Variants in ESCO2 observed in about 807,000 individuals in gnomAD.
ESCO2 encodes the protein establishment of sister chromatid cohesion N-acetyltransferase 2, also known as N-acetyltransferase ESCO2.
Under a neutral mutation model 61.7 loss-of-function variants are expected in ESCO2, and 51 were observed. The ratio of observed to expected loss-of-function variants is 0.83; its 90% CI spans 0.66 to 1.04. The LOEUF (loss-of-function observed/expected upper bound fraction) is 1.04. Among genes scored for constraint, ESCO2 ranks in the 50% least tolerant of loss-of-function variants. The probability of loss-of-function intolerance (pLI) is 0.00; values close to 1 mark genes in which losing one functional copy is unlikely to be tolerated. For missense variants in ESCO2, 692 were observed against 686.2 expected (o/e 1.01, Z -0.09); for synonymous variants, 230 against 238.2 (o/e 0.97, Z 0.32).
Position 27,803,539 on chromosome 8 carries a change from C to G in ESCO2, c.*101C>G. The stretch of plus-strand genomic sequence containing the variant: ...AATATCAAAATAAAAAATACCGAGA[C>G]TCACACTCATACACACACACACACA... On this transcript the variant is annotated 3_prime_UTR_variant, in exon 11 of 11. Coordinates refer to ENST00000305188, the MANE Select transcript of ESCO2 (RefSeq NM_001017420.3). 2 of 1,488,712 alleles carry G rather than the reference C, an allele frequency of 1.3e-6. No homozygotes were observed. The highest frequency in any genetic ancestry group is 2.6e-5 in the East Asian group (1 of 38,588). 92.2% of individuals were successfully genotyped at this position (1,488,712 alleles called of 1,614,324 possible).
chr8:27,808,888 G>A (rs1805616472), downstream of ESCO2, among the ~76,000 whole-genome samples: 1 of 152,174 alleles, frequency 6.6e-6, no homozygotes, highest in African/African-American at 2.4e-5. Context: ...GGCAGTGCAT[G>A]CTGGGATTAT....
At position 27,792,673 on chromosome 8, in the gene ESCO2, A is replaced by G. The variant is rs894887144; in HGVS notation, c.1359A>G (p.Glu453=). The change falls in exon 9 of 11, where the codon GAA becomes GAG. Residue 453 remains glutamate, a synonymous_variant. Coordinates refer to ENST00000305188, the MANE Select transcript of ESCO2 (RefSeq NM_001017420.3). ...TTGGTTTTTAAAATCATTAGGTAGA[A>G]GATGTCCAAGAACTTGTTGATAATG... ...HDPSFAIKKV[E]DVQELVDNEL... is the part of the protein sequence containing the mutation. The G allele has an allele frequency of 1.2e-6, 2 of 1,612,370 alleles. No individual in the cohort carries two copies. Among genetic ancestry groups the G allele is most frequent in the African/African-American group, 2.7e-5 (2 of 74,900 alleles).
At chr8:27,779,169 A>G (rs1411487190) in intron 3 of ESCO2, 2 of 152,206 alleles carry the variant, frequency 1.3e-5, no homozygotes, top group Non-Finnish European at 2.9e-5. Flanking sequence ...TGCCTTGGCC[A>G]CCCAAAGTGC....
intron 9 of ESCO2, among the ~76,000 whole-genome samples, chr8:27,793,100 CAT>C (rs936640359): frequency 1.1e-4 from 16 of 152,136 alleles, no homozygotes; most frequent in African/African-American, 3.6e-4. Context: ...AATTTTTAAA[CAT>C]GTGGCTTAGT....
At chr8:27,816,376 TATTTTA>T (rs1805814194), downstream of ESCO2, among the ~76,000 whole-genome samples, 1 of 110,662 alleles carries the variant, frequency 9.0e-6, no homozygotes, top group Non-Finnish European at 1.9e-5. Flanking sequence ...TTTATTTATT[TATTTTA>T]ATTTATTTTT....
chr8:27,780,309 C>T (rs775406849), intron 4 of ESCO2, 42 bp downstream of exon 4: 7 of 1,192,224 alleles, frequency 5.9e-6, no homozygotes, highest in Non-Finnish European at 3.8e-6. Context: ...TAAAATAATG[C>T]TTTATTACAT....
downstream of ESCO2, among the ~76,000 whole-genome samples, chr8:27,809,432 G>A (rs568216736): frequency 6.6e-6 from 1 of 152,062 alleles, no homozygotes; most frequent in African/African-American, 2.4e-5. Flanking sequence ...CCAAATGTAG[G>A]TATACCACCT....
At chr8:27,802,777 C>T (rs1805478514) in intron 10 of ESCO2, among the ~76,000 whole-genome samples, 1 of 138,392 alleles carries the variant, frequency 7.2e-6, no homozygotes, top group Non-Finnish European at 1.5e-5. Flanking sequence ...GTTGGAGTCT[C>T]ACTCTGTTAC....
chr8:27,789,075 T>G, intron 7 of ESCO2, 97 bp downstream of exon 7: 1 of 1,471,734 alleles, frequency 6.8e-7, no homozygotes, highest in South Asian at 1.2e-5. Context: ...AAAAGTTAAC[T>G]TTTAATGATG....
At position 27,776,757 on chromosome 8, in the gene ESCO2, C is replaced by T. The variant is rs776790223; in HGVS notation, c.449C>T (p.Pro150Leu). ...PQKSLTAKYQ[P>L]KYRHIKPVSR... is the part of the protein sequence containing the mutation. ...AAGAGTTTAACTGCTAAGTATCAAC[C>T]AAAGTATAGACACATCAAGCCTGTA... Residue 150 changes from proline to leucine, a missense_variant, in exon 3 of 11, where the codon CCA becomes CTA. Physicochemically the swap from Pro to Leu is moderately conservative, Grantham distance 98. Transcript: ENST00000305188. 6.2e-7 allele frequency: 1 copy of T among 1,613,840 alleles called. No homozygotes were observed. The highest frequency in any genetic ancestry group is 8.5e-7 in the Non-Finnish European group (1 of 1,180,014).
chr8:27,811,185 G>A, downstream of ESCO2: 1 of 1,556,422 alleles, frequency 6.4e-7, no homozygotes. Context: ...TCACGAAAAG[G>A]CAAGCAACCC....
At chr8:27,772,755 G>T (rs1283580741), upstream of ESCO2, 2 of 563,666 alleles carry the variant, frequency 3.5e-6, no homozygotes, top group Non-Finnish European at 6.4e-6. Context: ...GTGATTTGTG[G>T]GTTAAGGGAA....
rs139887923 is a variant in ESCO2 at position 27,803,513 on chromosome 8, T to TAATA, written c.*76_*79dup. 0.11 allele frequency: 177,140 copies of TAATA among 1,566,872 alleles called. 12,879 individuals carry two copies. Among genetic ancestry groups the TAATA allele is most frequent in the East Asian group, 0.33 (13,804 of 41,794 alleles). ...TCCTTATTATAAAATACAAACTATT[T>TAATA]AATATCAAAATAAAAAATACCGAGA... On this transcript the variant is annotated 3_prime_UTR_variant, in exon 11 of 11. Transcript: ENST00000305188.
At chr8:27,773,414 A>C (rs1585386713), upstream of ESCO2, among the ~76,000 whole-genome samples, 2 of 146,076 alleles carry the variant, frequency 1.4e-5, no homozygotes, top group African/African-American at 2.6e-5. Flanking sequence ...GTCTTTAAAA[A>C]CCTGCTTGTA....
intron 10 of ESCO2, among the ~76,000 whole-genome samples, chr8:27,801,969 A>T (rs1198401322): frequency 1.5e-3 from 125 of 83,770 alleles, no homozygotes; most frequent in Middle Eastern, 0.014. Context: ...CCTTCATGGC[A>T]TTTTTTTTTT....
Position 27,804,265 on chromosome 8 carries a change from T to C in ESCO2, c.*827T>C. On this transcript the variant is annotated 3_prime_UTR_variant, in exon 11 of 11. Transcript: ENST00000305188. ...AAATTATACTTAGTAATTGCACTAT[T>C]ACTTAGTTAATTTTTGTTGTATGGA... 1.0e-6 allele frequency: 1 copy of C among 984,938 alleles called. No homozygotes were observed. Among genetic ancestry groups the C allele is most frequent in the African/African-American group, 1.7e-5 (1 of 57,350 alleles). The allele number at this position is 984,938 out of a possible 1,614,324, so 61.0% of individuals were successfully genotyped here. A position where few individuals can be genotyped will look rare whatever the true frequency, so the allele number is the denominator to read the frequency against.
chr8:27,784,107 C>T, intron 5 of ESCO2, 50 bp downstream of exon 5: 1 of 1,557,202 alleles, frequency 6.4e-7, no homozygotes, highest in African/African-American at 1.4e-5. Context: ...TTATACAGTT[C>T]CTCTGGGTCT....
At chr8:27,819,467 AATT>A in the ESCO2 span, among the ~76,000 whole-genome samples, 2 of 152,032 alleles carry the variant, frequency 1.3e-5, no homozygotes, top group Non-Finnish European at 2.9e-5. Context: ...TTTAGCCAAA[AATT>A]ATTCGGAAGT....
Position 27,784,055 on chromosome 8 carries a change from A to G in ESCO2, c.1011A>G (p.Lys337=), listed in dbSNP as rs2128953442. The G allele has an allele frequency of 3.1e-6, 5 of 1,613,036 alleles. No homozygotes were observed. Among genetic ancestry groups the G allele is most frequent in the Non-Finnish European group, 4.2e-6 (5 of 1,179,190 alleles). The change falls in exon 5 of 11, where the codon AAA becomes AAG. Residue 337 remains lysine, a splice_region_variant and synonymous_variant. Coordinates refer to ENST00000305188, the MANE Select transcript of ESCO2 (RefSeq NM_001017420.3). ...TCAGTGCATCTTCAGTCAATTCAAA[A>G]AGGTGAGAATTGTTATTGTTTTAAA... ...PIFSASSVNS[K]RSLGEEQFSV...
Sources: gnomAD v4.1 joint callset for allele counts (sites outside exome capture counted in the v4.1 genomes callset) on GRCh38, gnomAD v4.1.1 for gene constraint, MANE v1.5 for transcripts, NCBI Gene and HGNC (gene_info 2026-07-23, HGNC 2026-07-21) for gene names.